KLHL1: variants seen among roughly 807,000 people sequenced by gnomAD.
The protein encoded by KLHL1 is kelch-like protein 1.
Under a neutral mutation model 77.7 loss-of-function variants are expected in KLHL1, and 47 were observed. That is an observed-to-expected ratio of 0.60 (90% CI 0.48 to 0.77). The LOEUF is 0.77. KLHL1 is among the 30% of genes least tolerant of loss of function. The pLI is 0.00. For synonymous variants in KLHL1, 360 were observed against 325.2 expected, an observed-to-expected ratio of 1.11 and a Z score of -1.15; for missense variants, 925 against 910.8, an observed-to-expected ratio of 1.02 and a Z score of -0.20.
chr13:70,104,513 G>A (rs916035762), intron 1 of KLHL1, among the ~76,000 whole-genome samples: 2 of 152,046 alleles, frequency 1.3e-5, no homozygotes, highest in Admixed American at 1.3e-4. Flanking sequence ...CTTGTCTAAA[G>A]CAATGTTCTA....
chr13:69,785,885 G>A (rs1219971248), intron 7 of KLHL1, among the ~76,000 whole-genome samples: 3 of 152,246 alleles, frequency 2.0e-5, no homozygotes, highest in Admixed American at 6.5e-5. Flanking sequence ...ACACATCTAC[G>A]CAAATGAACT....
At chr13:69,850,203 C>G (rs1353450408) in intron 5 of KLHL1, among the ~76,000 whole-genome samples, 2 of 151,454 alleles carry the variant, frequency 1.3e-5, no homozygotes, top group African/African-American at 4.8e-5. Flanking sequence ...CTTATTTTTC[C>G]CATTACTCTT....
intron 1 of KLHL1, among the ~76,000 whole-genome samples, chr13:70,097,397 CA>C (rs1216523106): frequency 1.3e-5 from 2 of 151,956 alleles, no homozygotes; most frequent in East Asian, 1.9e-4. Context: ...AGCAGGTTTT[CA>C]GTTTAGAATC....
chr13:69,984,671 T>G (rs1024408361), intron 1 of KLHL1, among the ~76,000 whole-genome samples: 2 of 152,098 alleles, frequency 1.3e-5, no homozygotes, highest in African/African-American at 4.8e-5. Context: ...AGAGAGTTAT[T>G]TTCTTTTCTC....
intron 3 of KLHL1, among the ~76,000 whole-genome samples, chr13:69,942,154 T>G (rs1883383790): frequency 6.6e-6 from 1 of 152,008 alleles, no homozygotes; most frequent in Non-Finnish European, 1.5e-5. Flanking sequence ...AAGCTTGAAT[T>G]GTTTCATTTA....
At chr13:69,837,664 GTGTGTGTATATA>G (rs1879074396) in intron 6 of KLHL1, among the ~76,000 whole-genome samples, 9 of 127,018 alleles carry the variant, frequency 7.1e-5, no homozygotes, top group African/African-American at 3.2e-4. Context: ...ATATGTGTGT[GTGTGTGTATATA>G]TATATATATA....
intron 1 of KLHL1, among the ~76,000 whole-genome samples, chr13:70,048,045 G>A (rs78197225): frequency 0.062 from 9,423 of 152,202 alleles, 404 homozygotes; most frequent in Non-Finnish European, 0.095. Flanking sequence ...GCGTAAGGGG[G>A]TGGGACTTTA....
chr13:69,850,927 T>G (rs1191037052), intron 5 of KLHL1, among the ~76,000 whole-genome samples: 1 of 151,666 alleles, frequency 6.6e-6, no homozygotes, highest in Non-Finnish European at 1.5e-5. Context: ...ACTATCTGAC[T>G]GACTCCTAGT....
rs142523697 is a variant in KLHL1, at chr13:69,724,610, A to C, written c.1803-5029T>G. Among the ~76,000 whole-genome samples the C allele has an allele frequency of 3.9e-5, 6 of 152,244 alleles. No homozygotes were observed. In the East Asian group the frequency reaches 1.2e-3, roughly 29 times the overall value. ...ATATACATACAAAAATTATCATCATAATACCTGCAAACTGAATCCAAGAGT... is the reference window on the plus strand; with the variant it reads ...ATATACATACAAAAATTATCATCATCATACCTGCAAACTGAATCCAAGAGT... On this transcript the variant is annotated intron_variant, in intron 8 of 10. Coordinates refer to ENST00000377844, the MANE Select transcript of KLHL1 (RefSeq NM_020866.3).
intron 5 of KLHL1, among the ~76,000 whole-genome samples, chr13:69,850,072 A>G (rs141193434): frequency 6.6e-6 from 1 of 151,654 alleles, no homozygotes; most frequent in East Asian, 1.9e-4. Flanking sequence ...TCGATAGCAA[A>G]AATCCATTAC....
At chr13:69,939,031 G>A (rs1883266275) in intron 4 of KLHL1, among the ~76,000 whole-genome samples, 1 of 151,452 alleles carries the variant, frequency 6.6e-6, no homozygotes, top group Non-Finnish European at 1.5e-5. Context: ...GACTTCATTA[G>A]TTGTTTCAAT....
At chr13:69,778,438 AAAAG>A (rs1267987485) in intron 7 of KLHL1, among the ~76,000 whole-genome samples, 2 of 152,208 alleles carry the variant, frequency 1.3e-5, no homozygotes, top group Non-Finnish European at 2.9e-5. Flanking sequence ...ACAATATAGA[AAAAG>A]AAATCATTTC....
rs1186096754 is a variant in KLHL1, at chr13:69,817,862, C to T, written c.1415-20900G>A. The stretch of plus-strand genomic sequence containing the variant: ...ATAGCACATGAATTTTTTATTCAGT[C>T]TGCATTCATACAGTCTTCATTCCTA... On this transcript the variant is annotated intron_variant, in intron 6 of 10. Coordinates refer to ENST00000377844, the MANE Select transcript of KLHL1 (RefSeq NM_020866.3). Among the ~76,000 whole-genome samples the T allele has an allele frequency of 2.6e-5, 4 of 152,160 alleles. No homozygotes were observed. The East Asian group carries it at 7.7e-4, about 29-fold the overall frequency.
chr13:69,975,170 A>C (rs1191825589), intron 2 of KLHL1, among the ~76,000 whole-genome samples: 1 of 152,044 alleles, frequency 6.6e-6, no homozygotes, highest in African/African-American at 2.4e-5. Flanking sequence ...GTCAATATGA[A>C]ATACCTTAAT....
intron 4 of KLHL1, among the ~76,000 whole-genome samples, chr13:69,927,354 C>T (rs916397755): frequency 1.3e-5 from 2 of 152,122 alleles, no homozygotes; most frequent in South Asian, 2.1e-4. Flanking sequence ...GTTAAACGTT[C>T]CTTAACTGTA....
chr13:70,090,685 G>A (rs565458750), intron 1 of KLHL1, among the ~76,000 whole-genome samples: 128 of 152,106 alleles, frequency 8.4e-4, no homozygotes, highest in Non-Finnish European at 9.1e-4. Context: ...TCCCAAGTCA[G>A]AACTGCACCA....
intron 5 of KLHL1, among the ~76,000 whole-genome samples, chr13:69,863,120 A>G (rs1880236072): frequency 6.6e-6 from 1 of 152,158 alleles, no homozygotes; most frequent in Admixed American, 6.6e-5. Flanking sequence ...AAGACCTTCT[A>G]TAACATTCAT....
chr13:69,970,480 G>A (rs777634673), intron 2 of KLHL1, among the ~76,000 whole-genome samples: 4 of 151,966 alleles, frequency 2.6e-5, no homozygotes, highest in Non-Finnish European at 5.9e-5. Flanking sequence ...GAGGCCTGCC[G>A]ATGTCCCAGG....
chr13:69,830,849 G>T (rs1164030879), intron 6 of KLHL1, among the ~76,000 whole-genome samples: 1 of 149,950 alleles, frequency 6.7e-6, no homozygotes, highest in Non-Finnish European at 1.5e-5. Context: ...CTGAATGATT[G>T]TTGGGTCAAC....
Sources: allele counts gnomAD v4.1 joint callset (sites outside exome capture counted in the v4.1 genomes callset), GRCh38; gene constraint gnomAD v4.1.1; transcripts MANE v1.5; gene names NCBI Gene and HGNC (gene_info 2026-07-23, HGNC 2026-07-21).